The following RAD18 variants were observed in gnomAD, a reference collection of about 807,000 sequenced individuals.
The protein encoded by RAD18 is E3 ubiquitin-protein ligase RAD18.
RAD18 carries 47 observed loss-of-function variants against 60.4 expected under a neutral mutation model. The observed-to-expected ratio is 0.78, with a 90% confidence interval of 0.62 to 0.99. The LOEUF (loss-of-function observed/expected upper bound fraction) is 0.99, where lower values mean the gene tolerates loss of function less well. Among genes scored for constraint, RAD18 ranks in the 50% least tolerant of loss-of-function variants. The pLI is 0.00. For synonymous variants in RAD18, 225 were observed against 195.5 expected (o/e 1.15, Z -1.26); for missense variants, 640 against 593.3 (o/e 1.08, Z -0.82).
At chr3:8,947,391 C>A in intron 3 of RAD18, 101 bp from the exon 4 acceptor site, 1 of 907,584 alleles carries the variant, frequency 1.1e-6, no homozygotes, top group South Asian at 1.5e-5. Flanking sequence ...TGAGGTTCTC[C>A]ATCCCACTAA....
chr3:8,921,250 T>A (rs1479897975), intron 7 of RAD18, among the ~76,000 whole-genome samples: 2 of 152,202 alleles, frequency 1.3e-5, no homozygotes, highest in Non-Finnish European at 2.9e-5. Flanking sequence ...CTTTCAACTT[T>A]CCTATAAACT....
At chr3:8,895,653 T>C (rs1169471798) in intron 11 of RAD18, among the ~76,000 whole-genome samples, 1 of 152,216 alleles carries the variant, frequency 6.6e-6, no homozygotes, top group Non-Finnish European at 1.5e-5. Flanking sequence ...TTTTTGTTTG[T>C]TTGTTTAAAG....
In RAD18 at chr3:8,899,585, T is replaced by C. The variant is rs1939866648; in HGVS notation, c.1169-538A>G. Among the ~76,000 whole-genome samples, 2 of 152,180 alleles carry C rather than the reference T, an allele frequency of 1.3e-5. 1 individual carries two copies. Among genetic ancestry groups the C allele is most frequent in the South Asian group, 4.1e-4 (2 of 4,828 alleles). On this transcript the variant is annotated intron_variant, in intron 10 of 12. Transcript: ENST00000264926. Reference sequence around the variant, plus strand: ...ATATTTCCATTTGATCCAATACACATCACATTTCCGTGCATTCTTTGTCAT... The same window carrying C: ...ATATTTCCATTTGATCCAATACACACCACATTTCCGTGCATTCTTTGTCAT...
intron 11 of RAD18, among the ~76,000 whole-genome samples, chr3:8,893,312 A>C (rs1022189121): frequency 3.9e-5 from 6 of 152,174 alleles, no homozygotes; most frequent in Non-Finnish European, 5.9e-5. Flanking sequence ...TCTAGCATCT[A>C]GTAGTTACCT....
At chr3:8,944,935 G>C (rs186885098) in intron 4 of RAD18, among the ~76,000 whole-genome samples, 1 of 152,134 alleles carries the variant, frequency 6.6e-6, no homozygotes, top group Non-Finnish European at 1.5e-5. Flanking sequence ...CACCAGCTCT[G>C]CATCTGTGGA....
chr3:8,919,837 A>G (rs1219107064), intron 7 of RAD18, among the ~76,000 whole-genome samples: 7 of 83,112 alleles, frequency 8.4e-5, no homozygotes, highest in Non-Finnish European at 1.4e-4. Context: ...GAAGACGGTA[A>G]TGAAAATAAT....
At chr3:8,894,825 A>T (rs1395900639) in intron 11 of RAD18, among the ~76,000 whole-genome samples, 1 of 138,544 alleles carries the variant, frequency 7.2e-6, no homozygotes, top group African/African-American at 2.9e-5. Context: ...CAGTGGCGCG[A>T]TATCGGCTCA....
intron 11 of RAD18, among the ~76,000 whole-genome samples, chr3:8,896,072 C>G (rs1291275639): frequency 6.6e-6 from 1 of 152,202 alleles, no homozygotes; most frequent in Non-Finnish European, 1.5e-5. Flanking sequence ...ACGTGCAAAT[C>G]AAGTGAACTA....
intron 7 of RAD18, among the ~76,000 whole-genome samples, chr3:8,914,362 T>G (rs1940159436): frequency 6.6e-6 from 1 of 152,188 alleles, no homozygotes; most frequent in East Asian, 1.9e-4. Flanking sequence ...CTAACCCTCA[T>G]TTATACTTAA....
At chr3:8,931,054 G>A (rs756697238) in intron 7 of RAD18, among the ~76,000 whole-genome samples, 3 of 151,622 alleles carry the variant, frequency 2.0e-5, no homozygotes, top group Non-Finnish European at 2.9e-5. Context: ...AAGGCATATC[G>A]ACTGAAAAAA....
intron 2 of RAD18, among the ~76,000 whole-genome samples, chr3:8,956,402 G>A (rs561982744): frequency 6.6e-6 from 1 of 152,274 alleles, no homozygotes; most frequent in South Asian, 2.1e-4. Context: ...CAACACACTT[G>A]ACAAAGGGAT....
chr3:8,912,184 A>T, intron 9 of RAD18, 128 bp downstream of exon 9: 2 of 728,494 alleles, frequency 2.7e-6, no homozygotes, highest in Non-Finnish European at 4.3e-6. Context: ...ATTAAAATTC[A>T]ATCTCTTAAG....
chr3:8,916,303 C>G (rs1940199186), intron 7 of RAD18, among the ~76,000 whole-genome samples: 1 of 152,268 alleles, frequency 6.6e-6, no homozygotes, highest in Admixed American at 6.5e-5. Context: ...AAGACTGAAG[C>G]TAAATCAGAG....
intron 5 of RAD18, 71 bp downstream of exon 5, chr3:8,941,396 C>A: frequency 7.6e-7 from 1 of 1,312,852 alleles, no homozygotes. Flanking sequence ...CTCAAAGATG[C>A]TGCCTATTTA....
chr3:8,913,149 T>C (rs954429296), intron 8 of RAD18, among the ~76,000 whole-genome samples: 4 of 152,198 alleles, frequency 2.6e-5, no homozygotes, highest in Non-Finnish European at 4.4e-5. Context: ...ATCAAGCTAG[T>C]GGAAGGCAAC....
chr3:8,895,796 G>T (rs886766570), intron 11 of RAD18, among the ~76,000 whole-genome samples: 1 of 152,118 alleles, frequency 6.6e-6, no homozygotes, highest in Non-Finnish European at 1.5e-5. Context: ...TTAGTTTGTT[G>T]TGTAGTCTTC....
intron 4 of RAD18, among the ~76,000 whole-genome samples, chr3:8,944,335 G>A (rs1231112427): frequency 2.0e-5 from 3 of 152,046 alleles, no homozygotes; most frequent in African/African-American, 4.8e-5. Flanking sequence ...AAGCCCAGAT[G>A]GCTTCACTGG....
intron 7 of RAD18, among the ~76,000 whole-genome samples, chr3:8,915,442 TTGGTACCAC>T (rs1345836634): frequency 6.6e-6 from 1 of 151,980 alleles, no homozygotes; most frequent in Non-Finnish European, 1.5e-5. Context: ...CAGAGAAAAA[TTGGTACCAC>T]CCTATCTCTG....
At chr3:8,927,044 C>T (rs941627913) in intron 7 of RAD18, among the ~76,000 whole-genome samples, 1 of 151,950 alleles carries the variant, frequency 6.6e-6, no homozygotes, top group Non-Finnish European at 1.5e-5. Flanking sequence ...GCAACAAAAG[C>T]CAAAAATGAC....
Sources: allele counts gnomAD v4.1 joint callset (sites outside exome capture counted in the v4.1 genomes callset), GRCh38; gene constraint gnomAD v4.1.1; transcripts MANE v1.5; gene names NCBI Gene and HGNC (gene_info 2026-07-23, HGNC 2026-07-21).